SRPK1: variants seen among roughly 807,000 people sequenced by gnomAD.
SRPK1 encodes SRSF protein kinase 1.
SRPK1 carries 52 observed loss-of-function variants against 89.5 expected under a neutral mutation model. The observed-to-expected ratio is 0.58, with a 90% CI of 0.46 to 0.73. The LOEUF (loss-of-function observed/expected upper bound fraction) is 0.73. Ranked by LOEUF, SRPK1 falls within the 30% of genes least tolerant of loss-of-function variation. SRPK1 has a pLI of 0.00. For synonymous variants in SRPK1, 255 were observed against 270.2 expected (o/e 0.94, Z 0.55); for missense variants, 603 against 780.6 (o/e 0.77, Z 2.71).
At chr6:35,880,743 A>AAAAG (rs1770262809) in intron 6 of SRPK1, among the ~76,000 whole-genome samples, 1 of 86,560 alleles carries the variant, frequency 1.2e-5, no homozygotes, top group African/African-American at 5.1e-5. Context: ...AAGAAAAAAA[A>AAAAG]AAAAAAAGAA....
At chr6:35,873,988 C>G (rs527299008) in intron 7 of SRPK1, among the ~76,000 whole-genome samples, 1 of 151,626 alleles carries the variant, frequency 6.6e-6, no homozygotes. Flanking sequence ...CCAAGACACC[C>G]GGCTAACTTT....
At chr6:35,918,454 T>A (rs1305399965) in intron 2 of SRPK1, among the ~76,000 whole-genome samples, 2 of 151,750 alleles carry the variant, frequency 1.3e-5, no homozygotes, top group Non-Finnish European at 2.9e-5. Flanking sequence ...TGAGCCGAGA[T>A]CGCACCATTG....
intron 14 of SRPK1, among the ~76,000 whole-genome samples, chr6:35,840,224 G>A (rs1369313475): frequency 6.6e-6 from 1 of 152,182 alleles, no homozygotes; most frequent in Non-Finnish European, 1.5e-5. Flanking sequence ...TGCTAGAGAC[G>A]TCCATATTAT....
intron 2 of SRPK1, among the ~76,000 whole-genome samples, chr6:35,913,052 A>G (rs1387222545): frequency 6.6e-6 from 1 of 152,224 alleles, no homozygotes; most frequent in Non-Finnish European, 1.5e-5. Flanking sequence ...GATTACAGGC[A>G]TAAGCCACTG....
chr6:35,895,621 C>G (rs1011344531), intron 2 of SRPK1: 1 of 152,136 alleles, frequency 6.6e-6, no homozygotes, highest in Non-Finnish European at 1.5e-5. Context: ...GTAACGTAAT[C>G]CTCCCGTGCC....
chr6:35,890,610 T>C (rs1183098782), intron 3 of SRPK1, among the ~76,000 whole-genome samples: 1 of 152,264 alleles, frequency 6.6e-6, no homozygotes, highest in Non-Finnish European at 1.5e-5. Context: ...GCTGATAGCA[T>C]TGCAGAAGTC....
intron 8 of SRPK1, among the ~76,000 whole-genome samples, chr6:35,871,997 T>C (rs946401188): frequency 1.3e-5 from 2 of 152,106 alleles, no homozygotes; most frequent in Non-Finnish European, 2.9e-5. Context: ...CACCTCAACC[T>C]CCCAAAGTGT....
At chr6:35,850,432 C>T (rs1333311389) in intron 13 of SRPK1, among the ~76,000 whole-genome samples, 16 of 152,084 alleles carry the variant, frequency 1.1e-4, no homozygotes, top group Admixed American at 9.8e-4. Flanking sequence ...TGTTTCAGCA[C>T]CAGAAAGGCC....
intron 13 of SRPK1, among the ~76,000 whole-genome samples, chr6:35,849,864 A>ATAC (rs1323164612): frequency 6.6e-6 from 1 of 152,212 alleles, no homozygotes; most frequent in Admixed American, 6.5e-5. Flanking sequence ...ATGGAATGGA[A>ATAC]TACTATTCAG....
At position 35,898,175 on chromosome 6, in the gene SRPK1, A is replaced by G. The variant is rs938455291; in HGVS notation, c.75-7162T>C. 5.3e-5 allele frequency among the ~76,000 whole-genome samples: 8 copies of G among 152,206 alleles called. No homozygotes were observed. The East Asian group carries it at 1.5e-3, about 29-fold the overall frequency. On this transcript the variant is annotated intron_variant, in intron 2 of 15. Coordinates refer to ENST00000373825, the MANE Select transcript of SRPK1 (RefSeq NM_003137.5). ...AAGAAAAATGTCGCATCTATACACC[A>G]TGGAATACCACTCTGCCATGAAAAG...
intron 6 of SRPK1, among the ~76,000 whole-genome samples, chr6:35,883,199 G>C (rs1453389681): frequency 6.6e-6 from 1 of 152,086 alleles, no homozygotes; most frequent in Non-Finnish European, 1.5e-5. Context: ...CAGGTGGATC[G>C]CCAACATGGC....
chr6:35,836,075 G>T (rs925104154), intron 15 of SRPK1, among the ~76,000 whole-genome samples: 1 of 152,038 alleles, frequency 6.6e-6, no homozygotes, highest in African/African-American at 2.4e-5. Flanking sequence ...ACCAGTCTGC[G>T]GTCTGTCAGG....
intron 12 of SRPK1, among the ~76,000 whole-genome samples, chr6:35,868,241 C>T (rs1769950617): frequency 6.6e-6 from 1 of 152,140 alleles, no homozygotes; most frequent in South Asian, 2.1e-4. Flanking sequence ...GCCTCCGCCT[C>T]CCAAAGTGCT....
chr6:35,910,087 GA>G (rs1389401652), intron 2 of SRPK1, among the ~76,000 whole-genome samples: 2 of 152,086 alleles, frequency 1.3e-5, no homozygotes. Context: ...GGGTTCAAGA[GA>G]TTCTCCTGCC....
intron 12 of SRPK1, among the ~76,000 whole-genome samples, chr6:35,863,853 A>C (rs547266816): frequency 1.3e-5 from 2 of 152,204 alleles, no homozygotes; most frequent in Non-Finnish European, 2.9e-5. Context: ...AAAACACAGA[A>C]TATTATAACA....
At chr6:35,886,681 G>T in intron 6 of SRPK1, 43 bp downstream of exon 6, 1 of 1,209,368 alleles carries the variant, frequency 8.3e-7, no homozygotes, top group Non-Finnish European at 1.2e-6. Context: ...CCTTTCTTTG[G>T]GATTGGGATG....
chr6:35,920,131 G>C, intron 2 of SRPK1: 1 of 489,362 alleles, frequency 2.0e-6, no homozygotes, highest in Non-Finnish European at 4.0e-6. Flanking sequence ...TTCAGAAACA[G>C]ACCGATAATG....
chr6:35,893,484 C>CA (rs11352097), intron 2 of SRPK1, among the ~76,000 whole-genome samples: 69 of 146,976 alleles, frequency 4.7e-4, no homozygotes, highest in Non-Finnish European at 8.2e-4. Flanking sequence ...GACCTTGTCT[C>CA]AAAAAAAAAA....
intron 2 of SRPK1, among the ~76,000 whole-genome samples, chr6:35,917,581 C>A (rs1020040405): frequency 3.3e-5 from 5 of 152,064 alleles, no homozygotes; most frequent in African/African-American, 1.2e-4. Context: ...TGAAAAGAAC[C>A]CAAAGGAAAT....
Sources: gnomAD v4.1 joint callset for allele counts (sites outside exome capture counted in the v4.1 genomes callset) on GRCh38, gnomAD v4.1.1 for gene constraint, MANE v1.5 for transcripts, NCBI Gene and HGNC (gene_info 2026-07-23, HGNC 2026-07-21) for gene names.